Variants in DSP observed in about 807,000 individuals in gnomAD.
DSP encodes desmoplakin.
In DSP, 114 loss-of-function variants were observed where a neutral mutation model predicts 290.6. That is an observed-to-expected ratio of 0.39 (90% CI 0.34 to 0.46). The LOEUF (loss-of-function observed/expected upper bound fraction) is 0.46. DSP is among the 20% of genes least tolerant of loss of function. The pLI is 0.99. For synonymous variants in DSP, 1,311 were observed against 1,316.4 expected (o/e 1.00, Z 0.09); for missense variants, 3,230 against 3,495.8 (o/e 0.92, Z 1.92).
intron 1 of DSP, among the ~76,000 whole-genome samples, chr6:7,544,189 C>A (rs147531238): frequency 6.6e-6 from 1 of 152,212 alleles, no homozygotes; most frequent in Admixed American, 6.5e-5. Context: ...TCCTCTCGAG[C>A]CTGACCCAGC....
chr6:7,577,430 G>A (rs1222990382), intron 20 of DSP, among the ~76,000 whole-genome samples: 3 of 152,144 alleles, frequency 2.0e-5, no homozygotes, highest in Non-Finnish European at 4.4e-5. Flanking sequence ...CTGGGTTCAA[G>A]TGATTCTCCC....
In DSP at chr6:7,569,282, C is replaced by T; in HGVS notation, c.1516C>T (p.Pro506Ser). 6.2e-7 allele frequency: 1 copy of T among 1,614,108 alleles called. No individual in the cohort carries two copies. The highest frequency in any genetic ancestry group is 8.5e-7 in the Non-Finnish European group (1 of 1,180,030). Residue 506 changes from proline (P) to serine (S), a missense_variant, in exon 12 of 24, where the codon CCC becomes TCC. By Grantham distance (74) the Pro-to-Ser change is moderately conservative (BLOSUM62 -1). Transcript: ENST00000379802. The part of the protein sequence containing the change: ...TGPGGVDMLV[P>S]SVGLIIPPPN... ...CCCGGGAGGCGTTGACATGCTTGTT[C>T]CCTCTGTGGGGCTGATCATCCCTCC...
rs985985165 is a variant in DSP at position 7,576,483 on chromosome 6, C to G, written c.2793+27C>G. 6 of 1,613,566 alleles carry G rather than the reference C, an allele frequency of 3.7e-6. No individual in the cohort carries two copies. The Admixed American group carries it at 5.0e-5, about 13-fold the overall frequency. On this transcript the variant is annotated intron_variant, in intron 19 of 23. Coordinates refer to ENST00000379802, the MANE Select transcript of DSP (RefSeq NM_004415.4). The stretch of plus-strand genomic sequence containing the variant: ...TATAAGCCAACTTTTTGTTCCATAG[C>G]TGTTTTGAGATTAATTGGGTGTAAT...
intron 1 of DSP, among the ~76,000 whole-genome samples, chr6:7,554,605 TA>T (rs894055614): frequency 2.6e-5 from 4 of 152,040 alleles, no homozygotes; most frequent in African/African-American, 9.6e-5. Flanking sequence ...CCATGATTTT[TA>T]AAAAAAACAT....
intron 18 of DSP, among the ~76,000 whole-genome samples, chr6:7,575,973 A>G (rs1160637086): frequency 6.6e-6 from 1 of 152,238 alleles, no homozygotes; most frequent in Non-Finnish European, 1.5e-5. Flanking sequence ...TTCACTTAGT[A>G]TCGTGCTTTC....
In DSP at chr6:7,576,376, G is replaced by A. The variant is rs1351143000; in HGVS notation, c.2713G>A (p.Ala905Thr). The A allele has an allele frequency of 5.0e-6, 8 of 1,614,040 alleles. No homozygotes were observed. The Admixed American group carries it at 1.2e-4, about 24-fold the overall frequency. The change falls in exon 19 of 24, where the codon GCT becomes ACT. Residue 905 changes from alanine to threonine, a missense_variant. This residue lies in a region of DSP where 1,714 missense variants were observed against 1,844.5 expected (regional missense o/e 0.93). Transcript: ENST00000379802. ...GGCTTTCTGCAAGTGGCTCTATGATGCTAAACGCCGCCAGGATTCCTTAGA... is the reference window on the plus strand; with the variant it reads ...GGCTTTCTGCAAGTGGCTCTATGATACTAAACGCCGCCAGGATTCCTTAGA... ...YQAFCKWLYD[A>T]KRRQDSLESM...
Position 7,584,594 on chromosome 6 carries a change from G to C in DSP, c.7332G>C (p.Leu2444=). 1 of 1,613,932 alleles carries C rather than the reference G, an allele frequency of 6.2e-7. No individual in the cohort carries two copies. Residue 2444 remains leucine, a synonymous_variant, in exon 24 of 24, where the codon CTG becomes CTC. Coordinates refer to ENST00000379802, the MANE Select transcript of DSP (RefSeq NM_004415.4). The surrounding 1 kb of genome is among the most constrained non-coding windows in gnomAD (Gnocchi z 6.4). ...IKDEETGLCL[L]PLKEKKKQVQ... is the part of the protein sequence containing the mutation. ...ATGAGGAAACAGGGCTCTGTCTTCT[G>C]CCTCTGAAAGAAAAGAAGAAACAGG...
At chr6:7,548,672 C>A (rs190690579) in intron 1 of DSP, among the ~76,000 whole-genome samples, 1 of 152,198 alleles carries the variant, frequency 6.6e-6, no homozygotes, top group Admixed American at 6.5e-5. Flanking sequence ...AGCTGCTGGG[C>A]GAAGACAAAA....
At chr6:7,574,401 G>T in intron 16 of DSP, 149 bp downstream of exon 16, 1 of 918,348 alleles carries the variant, frequency 1.1e-6, no homozygotes, top group Non-Finnish European at 1.7e-6. Context: ...TGTTAATTCC[G>T]CTAGCCTCGC....
chr6:7,548,418 C>G (rs1353454338), intron 1 of DSP, among the ~76,000 whole-genome samples: 1 of 152,164 alleles, frequency 6.6e-6, no homozygotes, highest in Non-Finnish European at 1.5e-5. Flanking sequence ...GTCACAGAGG[C>G]AGAAGCTCCA....
chr6:7,581,596 T>C, intron 23 of DSP, 27 bp downstream of exon 23: 3 of 1,609,624 alleles, frequency 1.9e-6, no homozygotes, highest in Non-Finnish European at 2.5e-6. Flanking sequence ...GATCACAGCT[T>C]CACTGTTTCT....
intron 12 of DSP, 97 bp downstream of exon 12, chr6:7,569,437 G>A: frequency 6.4e-7 from 1 of 1,573,366 alleles, no homozygotes; most frequent in Non-Finnish European, 8.7e-7. Flanking sequence ...GACACACGAT[G>A]CCTTGCCATA....
At chr6:7,554,008 C>T (rs760512548) in intron 1 of DSP, among the ~76,000 whole-genome samples, 19 of 151,672 alleles carry the variant, frequency 1.3e-4, no homozygotes, top group Non-Finnish European at 2.6e-4. Context: ...TTACTGTGAT[C>T]TTATCCCATC....
chr6:7,572,234 C>T (rs868362092), intron 15 of DSP, among the ~76,000 whole-genome samples, 166 bp downstream of exon 15: 6 of 152,220 alleles, frequency 3.9e-5, no homozygotes, highest in Admixed American at 2.0e-4. Context: ...AATTTGTAGA[C>T]GGTTATCAGG....
Position 7,585,232 on chromosome 6 carries a change from C to T in DSP, c.7970C>T (p.Thr2657Ile), listed in dbSNP as rs1478775642. 3.1e-6 allele frequency: 5 copies of T among 1,614,054 alleles called. No individual in the cohort carries two copies. The African/African-American group carries it at 6.7e-5, about 22-fold the overall frequency. Residue 2657 changes from threonine to isoleucine, a missense_variant, in exon 24 of 24, where the codon ACA becomes ATA. Coordinates refer to ENST00000379802, the MANE Select transcript of DSP (RefSeq NM_004415.4). Reference protein sequence around the residue: ...GQRLLEAQACTGGIIHPTTGQ... With the variant: ...GQRLLEAQACIGGIIHPTTGQ... ...AGGCTTCTGGAGGCTCAGGCCTGCA[C>T]AGGTGGCATCATCCACCCAACCACG... is the stretch of plus-strand genomic sequence containing the variant.
At position 7,585,146 on chromosome 6, in the gene DSP, G is replaced by A. The variant is rs2113703548; in HGVS notation, c.7884G>A (p.Leu2628=). The change falls in exon 24 of 24, where the codon CTG becomes CTA. Residue 2628 remains leucine (L), a synonymous_variant. Coordinates refer to ENST00000379802, the MANE Select transcript of DSP (RefSeq NM_004415.4). ...CAGCCATCTTTGACACAGAAAACCT[G>A]GAGAAAATCTCCATTACAGAAGGTA... is the stretch of plus-strand genomic sequence containing the variant. The part of the protein sequence containing the change: ...PIAAIFDTEN[L]EKISITEGIE... The A allele has an allele frequency of 3.1e-6, 5 of 1,614,142 alleles. No homozygotes were observed. Among genetic ancestry groups the A allele is most frequent in the East Asian group, 2.2e-5 (1 of 44,882 alleles).
Position 7,580,371 on chromosome 6 carries a change from A to G in DSP, c.4181A>G (p.Gln1394Arg), listed in dbSNP as rs770008414. 6.2e-7 allele frequency: 1 copy of G among 1,614,204 alleles called. No homozygotes were observed. The highest frequency in any genetic ancestry group is 1.1e-5 in the South Asian group (1 of 91,074). ...KEEDTSGYRA[Q>R]IDNLTRENRS... ...GAGGATACCAGTGGCTACCGGGCTC[A>G]GATAGACAATCTCACCCGAGAAAAC... Residue 1394 changes from glutamine to arginine, a missense_variant, in exon 23 of 24, where the codon CAG becomes CGG. Physicochemically the swap from Gln to Arg is conservative, Grantham distance 43. Coordinates refer to ENST00000379802, the MANE Select transcript of DSP (RefSeq NM_004415.4). The surrounding 1 kb of genome is among the most constrained non-coding windows in gnomAD (Gnocchi z 4.2).
At position 7,575,330 on chromosome 6, in the gene DSP, G is replaced by A. The variant is rs763798166; in HGVS notation, c.2472G>A (p.Leu824=). The A allele has an allele frequency of 6.2e-7, 1 of 1,613,192 alleles. No homozygotes were observed. Among genetic ancestry groups the A allele is most frequent in the Non-Finnish European group, 8.5e-7 (1 of 1,179,918 alleles). The change falls in exon 18 of 24, where the codon TTG becomes TTA. Residue 824 remains leucine (L), a synonymous_variant. Transcript: ENST00000379802. ...ATGACTTGAACTTGAAGAAGTCGTT[G>A]TTGGCCACTATGAAGACAGAACTAC... ...IKNDLNLKKS[L]LATMKTELQK...
chr6:7,561,502 A>G (rs190972207), intron 4 of DSP, among the ~76,000 whole-genome samples: 2 of 151,788 alleles, frequency 1.3e-5, no homozygotes, highest in Admixed American at 1.3e-4. Flanking sequence ...GGAGGCAGGC[A>G]CTCCTGAGCC....
Sources: allele counts gnomAD v4.1 joint callset (sites outside exome capture counted in the v4.1 genomes callset), GRCh38; gene constraint gnomAD v4.1.1; regional missense constraint gnomAD v4.1.1; non-coding constraint Gnocchi (gnomAD v3.1); transcripts MANE v1.5; gene names NCBI Gene and HGNC (gene_info 2026-07-23, HGNC 2026-07-21).